KLHL24: variants seen among roughly 807,000 people sequenced by gnomAD.
KLHL24 encodes the protein kelch like family member 24.
In KLHL24, 29 loss-of-function variants were observed where a neutral mutation model predicts 53.4. The observed-to-expected ratio is 0.54, with a 90% CI of 0.40 to 0.74. KLHL24 has a LOEUF of 0.74. Ranked by LOEUF, KLHL24 falls within the 30% of genes least tolerant of loss-of-function variation. KLHL24 has a pLI of 0.00. For synonymous variants in KLHL24, 222 were observed against 253.7 expected (o/e 0.88, Z 1.19); for missense variants, 504 against 744.0 (o/e 0.68, Z 3.75).
chr3:183,656,481 A>G (rs1718917730), intron 3 of KLHL24, among the ~76,000 whole-genome samples: 1 of 152,200 alleles, frequency 6.6e-6, no homozygotes, highest in Admixed American at 6.5e-5. Flanking sequence ...ATTAATACTT[A>G]GATGCATGTT....
chr3:183,656,931 A>T (rs961982667), intron 3 of KLHL24, among the ~76,000 whole-genome samples: 1 of 147,050 alleles, frequency 6.8e-6, no homozygotes, highest in East Asian at 2.0e-4. Flanking sequence ...CAAAAAAAAA[A>T]TAAGCGTAAC....
At chr3:183,641,060 T>C (rs989664440) in intron 1 of KLHL24, among the ~76,000 whole-genome samples, 5 of 152,182 alleles carry the variant, frequency 3.3e-5, no homozygotes, top group African/African-American at 1.2e-4. Context: ...GAAATTTTGA[T>C]AGTGCAAGTT....
chr3:183,644,597 A>G (rs965431471), intron 2 of KLHL24, among the ~76,000 whole-genome samples: 7 of 152,134 alleles, frequency 4.6e-5, no homozygotes, highest in Admixed American at 1.3e-4. Flanking sequence ...TCCATTTTTT[A>G]TTGGGTAAAA....
chr3:183,675,083 T>C lies in KLHL24; in HGVS notation c.1602+2599T>C, dbSNP rs73884593. 8.6e-3 allele frequency among the ~76,000 whole-genome samples: 1,313 copies of C among 152,330 alleles called. 18 individuals are homozygous for C. The highest frequency in any genetic ancestry group is 0.03 in the African/African-American group (1,264 of 41,560). Reference sequence around the variant, plus strand: ...TTTCCTATACTAGAATTTAGTCTTCTTGAGGACACTATTTCTTCTAACTCA... The same window carrying C: ...TTTCCTATACTAGAATTTAGTCTTCCTGAGGACACTATTTCTTCTAACTCA... On this transcript the variant is annotated intron_variant, in intron 7 of 7. Transcript: ENST00000242810.
chr3:183,665,146 T>TATTTCCTTCCATTTC lies in KLHL24; in HGVS notation c.1224+108_1224+122dup, dbSNP rs1274650623. 7.6e-6 allele frequency: 5 copies of TATTTCCTTCCATTTC among 658,820 alleles called. No individual in the cohort carries two copies. In the South Asian group the frequency reaches 1.0e-4, roughly 13 times the overall value. The allele number at this position is 658,820 out of a possible 1,614,324, so 40.8% of individuals were successfully genotyped here. A position where few individuals can be genotyped will look rare whatever the true frequency, so the allele number is the denominator to read the frequency against. On this transcript the variant is annotated intron_variant, in intron 5 of 7. Coordinates refer to ENST00000242810, the MANE Select transcript of KLHL24 (RefSeq NM_017644.3). ...CTCTGGGTATTTTGGATTCAAATTGTATTTCCTTCCATTTCTAACCTCAAT... is the reference window on the plus strand; with the variant it reads ...CTCTGGGTATTTTGGATTCAAATTGTATTTCCTTCCATTTCATTTCCTTCCATTTCTAACCTCAAT...
At chr3:183,636,131 G>A (rs941201728) in intron 1 of KLHL24, 2 of 152,466 alleles carry the variant, frequency 1.3e-5, no homozygotes, top group African/African-American at 4.8e-5. Context: ...TAGTCGCCGC[G>A]GGGCCGGGCG....
At chr3:183,652,156 A>G (rs762358749) in intron 3 of KLHL24, among the ~76,000 whole-genome samples, 5 of 152,196 alleles carry the variant, frequency 3.3e-5, no homozygotes, top group Non-Finnish European at 5.9e-5. Context: ...TGAATGTGAA[A>G]ATTACATCAT....
At chr3:183,648,573 G>T (rs1443756573) in intron 2 of KLHL24, among the ~76,000 whole-genome samples, 1 of 152,156 alleles carries the variant, frequency 6.6e-6, no homozygotes, top group Non-Finnish European at 1.5e-5. Flanking sequence ...GAAGGGATGT[G>T]TATGAAATTC....
At position 183,681,998 on chromosome 3, in the gene KLHL24, A is replaced by G. The variant is rs1472539469; in HGVS notation, c.*2712A>G. ...TCTGTGATGATCAGCAAAAAAGCAC[A>G]TAAAGTAAAAATTAGTTGACCATGC... On this transcript the variant is annotated 3_prime_UTR_variant, in exon 8 of 8. Transcript: ENST00000242810. 6.6e-6 allele frequency: 1 copy of G among 152,590 alleles called. No individual in the cohort carries two copies. The highest frequency in any genetic ancestry group is 1.5e-5 in the Non-Finnish European group (1 of 68,006). The allele number at this position is 152,590 out of a possible 1,614,324, so 9.5% of individuals were successfully genotyped here.
At chr3:183,667,116 G>C (rs1169908178) in intron 5 of KLHL24, among the ~76,000 whole-genome samples, 1 of 152,072 alleles carries the variant, frequency 6.6e-6, no homozygotes, top group East Asian at 1.9e-4. Context: ...CCCCACAGGG[G>C]TTTCTTAAAA....
At chr3:183,673,528 A>G (rs184107190) in intron 7 of KLHL24, among the ~76,000 whole-genome samples, 23 of 152,274 alleles carry the variant, frequency 1.5e-4, no homozygotes, top group Non-Finnish European at 2.5e-4. Context: ...TCTGTTGTAA[A>G]GGAAATGGCT....
intron 1 of KLHL24, 199 bp from the exon 2 acceptor site, chr3:183,643,281 A>T (rs1479377820): frequency 1.3e-5 from 2 of 152,306 alleles, no homozygotes; most frequent in African/African-American, 4.8e-5. Context: ...AATAAGAAAA[A>T]CTAGTTATGT....
intron 7 of KLHL24, among the ~76,000 whole-genome samples, chr3:183,677,373 T>C (rs1293725207): frequency 6.6e-6 from 1 of 152,182 alleles, no homozygotes; most frequent in African/African-American, 2.4e-5. Flanking sequence ...TTAGAGTTTG[T>C]TCCATAATTG....
chr3:183,662,156 C>G (rs926423979), intron 3 of KLHL24, among the ~76,000 whole-genome samples: 3 of 152,024 alleles, frequency 2.0e-5, no homozygotes, highest in Non-Finnish European at 4.4e-5. Context: ...CCTAAAAGTA[C>G]TTTTGTTTGC....
rs1712454953 is a variant in KLHL24 at position 183,679,423 on chromosome 3, C to T, written c.*137C>T. On this transcript the variant is annotated 3_prime_UTR_variant, in exon 8 of 8. Transcript: ENST00000242810. The stretch of plus-strand genomic sequence containing the variant: ...AATAATAATTTGGTGCCTTTCTCCT[C>T]AAAATATCAATCTTTCAAACTATAA... The T allele has an allele frequency of 1.3e-5, 8 of 625,382 alleles. No individual in the cohort carries two copies. The South Asian group carries it at 1.7e-4, about 13-fold the overall frequency. The allele number at this position is 625,382 out of a possible 1,614,324, so 38.7% of individuals were successfully genotyped here.
Position 183,674,243 on chromosome 3 carries a change from T to TTTTCTTTCTTTCTTTCTTTC in KLHL24, c.1602+1800_1602+1819dup, listed in dbSNP as rs370677824. On this transcript the variant is annotated intron_variant, in intron 7 of 7. Coordinates refer to ENST00000242810, the MANE Select transcript of KLHL24 (RefSeq NM_017644.3). ...GTCTTGCTAGCTCATTTAGCATCAA[T>TTTTCTTTCTTTCTTTCTTTC]TTTCTTTCTTTCTTTCTTTCTTTCT... Among the ~76,000 whole-genome samples, 261 of 131,066 alleles carry TTTTCTTTCTTTCTTTCTTTC rather than the reference T, an allele frequency of 2.0e-3. 2 individuals carry two copies. The highest frequency in any genetic ancestry group is 3.6e-3 in the Middle Eastern group (1 of 278). 86.0% of individuals were successfully genotyped at this position (131,066 alleles called of 152,430 possible).
At chr3:183,673,890 C>T (rs534211800) in intron 7 of KLHL24, among the ~76,000 whole-genome samples, 8 of 152,282 alleles carry the variant, frequency 5.3e-5, no homozygotes, top group Non-Finnish European at 1.0e-4. Flanking sequence ...AAGTCTGTAT[C>T]GCCATCAAAG....
chr3:183,673,423 A>C (rs1721634239), intron 7 of KLHL24, among the ~76,000 whole-genome samples: 3 of 149,532 alleles, frequency 2.0e-5, no homozygotes, highest in Admixed American at 2.0e-4. Context: ...TCACAATCCT[A>C]CTCCAGTATT....
intron 2 of KLHL24, among the ~76,000 whole-genome samples, chr3:183,644,569 T>A (rs1285663234): frequency 1.3e-5 from 2 of 152,194 alleles, no homozygotes; most frequent in Non-Finnish European, 2.9e-5. Flanking sequence ...ATTTTATAGG[T>A]GTTCTAGTCC....
Sources: allele counts gnomAD v4.1 joint callset (sites outside exome capture counted in the v4.1 genomes callset), GRCh38; gene constraint gnomAD v4.1.1; transcripts MANE v1.5; gene names NCBI Gene and HGNC (gene_info 2026-07-23, HGNC 2026-07-21).